Variants in FHIT observed in about 807,000 individuals in gnomAD.
The protein encoded by FHIT is bis(5'-adenosyl)-triphosphatase.
A neutral mutation model predicts 17.9 loss-of-function variants in FHIT; 19 were observed. That is an observed-to-expected ratio of 1.06 (90% CI 0.74 to 1.56). The LOEUF is 1.56. FHIT is among the 40% of genes most tolerant of loss of function. The pLI, the probability that FHIT is intolerant of heterozygous loss-of-function variation, is 0.00. For synonymous variants in FHIT, 81 were observed against 69.7 expected, an observed-to-expected ratio of 1.16 and a Z score of -0.81; for missense variants, 248 against 189.2, an observed-to-expected ratio of 1.31 and a Z score of -1.82.
At chr3:61,043,713 T>TG (rs1360596759) in intron 2 of FHIT, among the ~76,000 whole-genome samples, 1 of 152,212 alleles carries the variant, frequency 6.6e-6, no homozygotes, top group African/African-American at 2.4e-5. Context: ...GTAGCCTAAC[T>TG]GGGAGATACC....
chr3:60,747,127 A>C (rs1220054544), intron 4 of FHIT, among the ~76,000 whole-genome samples: 1 of 133,382 alleles, frequency 7.5e-6, no homozygotes, highest in East Asian at 2.1e-4. Context: ...TGGAATTCAC[A>C]AAAAAAAAAA....
chr3:60,606,091 G>C (rs1490807210), intron 4 of FHIT, among the ~76,000 whole-genome samples: 1 of 151,988 alleles, frequency 6.6e-6, no homozygotes, highest in Non-Finnish European at 1.5e-5. Context: ...TCTTGCCCCA[G>C]AGTGTGCTAG....
At position 60,044,697 on chromosome 3, in the gene FHIT, C is replaced by T. The variant is rs1449523528; in HGVS notation, c.104-30545G>A. 2.6e-5 allele frequency among the ~76,000 whole-genome samples: 4 copies of T among 152,128 alleles called. No homozygotes were observed. In the East Asian group the frequency reaches 7.7e-4, roughly 29 times the overall value. ...TTAAATAAATGATGAAAATGAGACT[C>T]AAATATAGATTGTATACCTCATTCC... is the stretch of plus-strand genomic sequence containing the variant. On this transcript the variant is annotated intron_variant, in intron 5 of 9. Transcript: ENST00000492590.
chr3:60,441,801 T>C (rs1486050288), intron 5 of FHIT, among the ~76,000 whole-genome samples: 17 of 123,272 alleles, frequency 1.4e-4, no homozygotes, highest in African/African-American at 4.1e-4. Context: ...TATATATATA[T>C]ATATATATAT....
At chr3:61,144,802 G>C (rs1429042060) in intron 2 of FHIT, among the ~76,000 whole-genome samples, 1 of 152,170 alleles carries the variant, frequency 6.6e-6, no homozygotes, top group Non-Finnish European at 1.5e-5. Context: ...AGTAATGAGT[G>C]ATACTAAGCA....
chr3:60,081,121 C>T (rs891589677), intron 5 of FHIT, among the ~76,000 whole-genome samples: 8 of 152,062 alleles, frequency 5.3e-5, no homozygotes, highest in Non-Finnish European at 1.2e-4. Flanking sequence ...GAATGCAGTG[C>T]TTCTCCAAGT....
intron 5 of FHIT, among the ~76,000 whole-genome samples, chr3:60,174,844 A>G (rs1701594886): frequency 6.6e-6 from 1 of 152,184 alleles, no homozygotes; most frequent in African/African-American, 2.4e-5. Context: ...GCCCCTAGAA[A>G]TGACCAACGT....
At chr3:60,221,571 C>T (rs1046810494) in intron 5 of FHIT, among the ~76,000 whole-genome samples, 1 of 152,176 alleles carries the variant, frequency 6.6e-6, no homozygotes, top group African/African-American at 2.4e-5. Context: ...TGGTCATTTC[C>T]CACAAGGCTC....
chr3:61,198,400 T>C (rs540933593), intron 2 of FHIT, among the ~76,000 whole-genome samples: 38 of 152,228 alleles, frequency 2.5e-4, no homozygotes, highest in African/African-American at 8.7e-4. Flanking sequence ...CTTGTGGTCA[T>C]ACACCCATCC....
chr3:60,478,493 G>T (rs1028469212), intron 5 of FHIT, among the ~76,000 whole-genome samples: 1 of 152,000 alleles, frequency 6.6e-6, no homozygotes, highest in African/African-American at 2.4e-5. Context: ...TGCCTCTTGC[G>T]GCAAAGAAAG....
At chr3:60,957,512 C>T (rs1709230280) in intron 3 of FHIT, among the ~76,000 whole-genome samples, 2 of 151,884 alleles carry the variant, frequency 1.3e-5, no homozygotes, top group Non-Finnish European at 2.9e-5. Context: ...GCTGGGATTA[C>T]AGGCGTGAGC....
chr3:59,771,113 T>C (rs1702054911), intron 8 of FHIT, among the ~76,000 whole-genome samples: 2 of 152,134 alleles, frequency 1.3e-5, no homozygotes, highest in Admixed American at 1.3e-4. Flanking sequence ...GGTAGCGGGA[T>C]TATTTTGTTC....
At chr3:60,185,137 G>A (rs944294782) in intron 5 of FHIT, among the ~76,000 whole-genome samples, 1 of 152,128 alleles carries the variant, frequency 6.6e-6, no homozygotes, top group African/African-American at 2.4e-5. Context: ...GGTGTTAGGT[G>A]TATTTGTTGC....
chr3:61,219,679 A>C (rs1011352611), intron 1 of FHIT, among the ~76,000 whole-genome samples: 8 of 152,128 alleles, frequency 5.3e-5, no homozygotes, highest in African/African-American at 1.7e-4. Context: ...GAATCCAAAT[A>C]CTTTGGGCTT....
At chr3:60,121,557 G>T (rs1251733324) in intron 5 of FHIT, among the ~76,000 whole-genome samples, 1 of 152,048 alleles carries the variant, frequency 6.6e-6, no homozygotes, top group Non-Finnish European at 1.5e-5. Context: ...GGTGGTGCGT[G>T]CCAGTAATCC....
chr3:60,171,976 T>C (rs1234182341), intron 5 of FHIT, among the ~76,000 whole-genome samples: 1 of 152,204 alleles, frequency 6.6e-6, no homozygotes. Flanking sequence ...ATTTATTAAA[T>C]GCCTTTCACG....
chr3:60,371,439 A>G (rs1176477950), intron 5 of FHIT, among the ~76,000 whole-genome samples: 1 of 151,710 alleles, frequency 6.6e-6, no homozygotes, highest in Non-Finnish European at 1.5e-5. Context: ...CTCACGGCAA[A>G]CTTGAACTCC....
chr3:60,450,157 T>C (rs1420322214), intron 5 of FHIT, among the ~76,000 whole-genome samples: 4 of 147,064 alleles, frequency 2.7e-5, no homozygotes, highest in African/African-American at 1.1e-4. Flanking sequence ...AGGATATTAT[T>C]GTAAACTACT....
intron 5 of FHIT, among the ~76,000 whole-genome samples, chr3:60,121,544 C>A (rs549090152): frequency 6.6e-6 from 1 of 151,926 alleles, no homozygotes; most frequent in East Asian, 1.9e-4. Context: ...ATTAGCCAGG[C>A]GTGGTGGTGC....
Sources: gnomAD v4.1 joint callset for allele counts (sites outside exome capture counted in the v4.1 genomes callset) on GRCh38, gnomAD v4.1.1 for gene constraint, MANE v1.5 for transcripts, NCBI Gene and HGNC (gene_info 2026-07-23, HGNC 2026-07-21) for gene names.